The following SLC44A3 variants were observed in gnomAD, a reference collection of about 807,000 sequenced individuals.
SLC44A3 encodes choline transporter-like protein 3.
SLC44A3 carries 74 observed loss-of-function variants against 75.4 expected under a neutral mutation model. The ratio of observed to expected loss-of-function variants is 0.98; its 90% CI spans 0.81 to 1.19. SLC44A3 has a LOEUF of 1.19. Among genes scored for constraint, SLC44A3 ranks in the 50% most tolerant of loss-of-function variants. The pLI is 0.00. For missense variants in SLC44A3, 700 were observed against 778.6 expected, an observed-to-expected ratio of 0.90 and a Z score of 1.20; for synonymous variants, 310 against 296.9, an observed-to-expected ratio of 1.04 and a Z score of -0.45.
chr1:94,879,571 G>T (rs1484352684), intron 12 of SLC44A3, among the ~76,000 whole-genome samples: 3 of 148,094 alleles, frequency 2.0e-5, no homozygotes, highest in East Asian at 2.0e-4. Flanking sequence ...TGGGCGCAGT[G>T]GTTCATGCCT....
At chr1:94,848,228 C>CAAAA (rs11372681) in intron 9 of SLC44A3, among the ~76,000 whole-genome samples, 8 of 139,054 alleles carry the variant, frequency 5.8e-5, no homozygotes, top group African/African-American at 1.9e-4. Context: ...GACTCTGTCT[C>CAAAA]AAAAAAAAAA....
chr1:94,858,763 C>T (rs2101306341), intron 10 of SLC44A3, among the ~76,000 whole-genome samples: 1 of 152,294 alleles, frequency 6.6e-6, no homozygotes, highest in East Asian at 1.9e-4. Context: ...ACGATCTTGG[C>T]TCACTGCAAC....
chr1:94,878,030 C>G (rs979155959), intron 12 of SLC44A3, among the ~76,000 whole-genome samples: 4 of 152,042 alleles, frequency 2.6e-5, no homozygotes, highest in African/African-American at 7.2e-5. Flanking sequence ...GTCAGGAGAT[C>G]GAGACCATCC....
rs545157543 is a variant in SLC44A3 at position 94,854,520 on chromosome 1, A to G, written c.1073-2815A>G. 1.8e-4 allele frequency among the ~76,000 whole-genome samples: 27 copies of G among 152,332 alleles called. No individual in the cohort carries two copies. The South Asian group carries it at 5.6e-3, about 32-fold the overall frequency. On this transcript the variant is annotated intron_variant, in intron 9 of 14. Transcript: ENST00000271227. ...TGTAGTGCCCAGTCCATAGAGACAAAGCAACTGTCATGTGATGAGGGGATC... is the reference window on the plus strand; with the variant it reads ...TGTAGTGCCCAGTCCATAGAGACAAGGCAACTGTCATGTGATGAGGGGATC...
At chr1:94,859,895 A>T (rs2101330264) in intron 10 of SLC44A3, among the ~76,000 whole-genome samples, 1 of 152,308 alleles carries the variant, frequency 6.6e-6, no homozygotes, top group East Asian at 1.9e-4. Flanking sequence ...ACCCAAAGTA[A>T]AGACCTACAG....
chr1:94,822,510 C>G (rs1158205164), intron 2 of SLC44A3, among the ~76,000 whole-genome samples: 2 of 151,338 alleles, frequency 1.3e-5, no homozygotes, highest in East Asian at 3.9e-4. Flanking sequence ...TTTTCTGCCT[C>G]TGTTGTTCAG....
chr1:94,833,112 C>A (rs1662344069), intron 5 of SLC44A3, among the ~76,000 whole-genome samples: 1 of 152,118 alleles, frequency 6.6e-6, no homozygotes, highest in South Asian at 2.1e-4. Context: ...TAGTCAGCCT[C>A]CCTTCTCCTC....
chr1:94,869,776 C>T (rs959850668), intron 12 of SLC44A3, among the ~76,000 whole-genome samples: 7 of 152,142 alleles, frequency 4.6e-5, no homozygotes, highest in African/African-American at 1.7e-4. Flanking sequence ...TTAGATTCAC[C>T]TTTTCAGAAA....
At chr1:94,828,864 A>G (rs1661730731) in intron 5 of SLC44A3, among the ~76,000 whole-genome samples, 1 of 152,228 alleles carries the variant, frequency 6.6e-6, no homozygotes, top group Admixed American at 6.5e-5. Context: ...AGCAAGAAGT[A>G]ACTTATGAAT....
intron 7 of SLC44A3, among the ~76,000 whole-genome samples, chr1:94,841,111 C>A (rs1663571616): frequency 6.6e-6 from 1 of 152,156 alleles, no homozygotes; most frequent in Admixed American, 6.5e-5. Context: ...CCTATTACTC[C>A]TAGGCTACGA....
At chr1:94,865,032 C>T (rs1667000958) in intron 11 of SLC44A3, 133 bp downstream of exon 11, 3 of 762,664 alleles carry the variant, frequency 3.9e-6, no homozygotes, top group Non-Finnish European at 6.1e-6. Context: ...CTCCTGCACT[C>T]CTCAGCTCCC....
intron 13 of SLC44A3, 88 bp downstream of exon 13, chr1:94,891,355 A>T (rs1337083596): frequency 7.4e-7 from 1 of 1,354,268 alleles, no homozygotes; most frequent in Non-Finnish European, 1.0e-6. Flanking sequence ...ATATTTCTTG[A>T]GTACTTACTC....
chr1:94,890,096 C>T (rs113901296), intron 12 of SLC44A3, among the ~76,000 whole-genome samples: 1,766 of 152,210 alleles, frequency 0.012, 29 homozygotes, highest in African/African-American at 0.04. Flanking sequence ...GTGATCCTCC[C>T]GCCTCGGCCT....
intron 5 of SLC44A3, among the ~76,000 whole-genome samples, chr1:94,832,874 G>C (rs181315847): frequency 1.3e-5 from 2 of 152,214 alleles, no homozygotes; most frequent in African/African-American, 2.4e-5. Flanking sequence ...AGCTGAGATG[G>C]GAGGATCTCT....
chr1:94,871,766 A>AT (rs1470595373), intron 12 of SLC44A3, among the ~76,000 whole-genome samples: 1 of 152,168 alleles, frequency 6.6e-6, no homozygotes, highest in Admixed American at 6.5e-5. Context: ...TAGGTTTTTC[A>AT]TTTTTGCATA....
At chr1:94,882,904 A>G (rs547691627) in intron 12 of SLC44A3, among the ~76,000 whole-genome samples, 16 of 148,572 alleles carry the variant, frequency 1.1e-4, no homozygotes, top group African/African-American at 3.7e-4. Flanking sequence ...GGTGATATCT[A>G]GGATGCCTTT....
chr1:94,881,991 G>A (rs1370340981), intron 12 of SLC44A3, among the ~76,000 whole-genome samples: 8 of 151,938 alleles, frequency 5.3e-5, no homozygotes. Flanking sequence ...CTGCATTCTA[G>A]CCTGGGTGAG....
intron 12 of SLC44A3, among the ~76,000 whole-genome samples, chr1:94,876,245 A>G (rs1668271034): frequency 6.6e-6 from 1 of 152,256 alleles, no homozygotes; most frequent in Non-Finnish European, 1.5e-5. Flanking sequence ...TGTGAAGAAG[A>G]TAGATTAGCT....
At chr1:94,828,766 A>G (rs181882058) in intron 5 of SLC44A3, among the ~76,000 whole-genome samples, 180 bp downstream of exon 5, 2 of 152,344 alleles carry the variant, frequency 1.3e-5, no homozygotes, top group East Asian at 3.9e-4. Context: ...CAGTATGCCT[A>G]TGGACAGTGG....
Sources: gnomAD v4.1 joint callset for allele counts (sites outside exome capture counted in the v4.1 genomes callset) on GRCh38, gnomAD v4.1.1 for gene constraint, MANE v1.5 for transcripts, NCBI Gene and HGNC (gene_info 2026-07-23, HGNC 2026-07-21) for gene names.